Variants in CHRM3 observed in about 807,000 individuals in gnomAD.
The protein encoded by CHRM3 is muscarinic acetylcholine receptor M3.
CHRM3 carries 11 observed loss-of-function variants against 41.8 expected under a neutral mutation model. The ratio of observed to expected loss-of-function variants is 0.26; its 90% CI spans 0.17 to 0.44. The LOEUF is 0.44. Ranked by LOEUF, CHRM3 falls within the 20% of genes least tolerant of loss-of-function variation. The pLI is 1.00. For missense variants in CHRM3, 571 were observed against 745.4 expected (o/e 0.77, Z 2.72); for synonymous variants, 297 against 301.4 (o/e 0.99, Z 0.15).
chr1:239,523,907 T>A (rs1048492230), intron 2 of CHRM3, among the ~76,000 whole-genome samples: 24 of 152,134 alleles, frequency 1.6e-4, no homozygotes, highest in Admixed American at 1.0e-3. Flanking sequence ...AATTAAATAA[T>A]AAATTAATGA....
At chr1:239,665,955 GT>G (rs1673755575) in intron 4 of CHRM3, among the ~76,000 whole-genome samples, 2 of 152,064 alleles carry the variant, frequency 1.3e-5, no homozygotes, top group South Asian at 4.1e-4. Context: ...CTTTGCTATT[GT>G]AAATAGTGCT....
intron 2 of CHRM3, among the ~76,000 whole-genome samples, chr1:239,501,183 G>A (rs1030334557): frequency 6.6e-6 from 1 of 152,124 alleles, no homozygotes; most frequent in Admixed American, 6.6e-5. Context: ...AATAGTGGGG[G>A]ACTTCAATAC....
intron 6 of CHRM3, chr1:239,898,445 A>T (rs1039778084): frequency 6.6e-6 from 1 of 152,260 alleles, no homozygotes; most frequent in African/African-American, 2.4e-5. Context: ...GAAGGCAGTC[A>T]GAGACCCAAA....
chr1:239,579,766 T>C (rs1662696170), intron 3 of CHRM3, among the ~76,000 whole-genome samples: 1 of 152,228 alleles, frequency 6.6e-6, no homozygotes, highest in East Asian at 1.9e-4. Context: ...ACTCACTGTA[T>C]GGCAGGCATT....
chr1:239,725,999 C>T (rs1263531404), intron 5 of CHRM3, among the ~76,000 whole-genome samples: 1 of 151,884 alleles, frequency 6.6e-6, no homozygotes, highest in Non-Finnish European at 1.5e-5. Context: ...AAATCACAAC[C>T]CTCAGGTGAA....
intron 1 of CHRM3, among the ~76,000 whole-genome samples, chr1:239,478,632 T>G (rs907445175): frequency 6.6e-6 from 1 of 152,048 alleles, no homozygotes; most frequent in African/African-American, 2.4e-5. Flanking sequence ...ATATGGAAAA[T>G]TCAGTCCATA....
At chr1:239,754,961 A>T (rs1252838790) in intron 5 of CHRM3, among the ~76,000 whole-genome samples, 1 of 152,146 alleles carries the variant, frequency 6.6e-6, no homozygotes, top group Admixed American at 6.5e-5. Context: ...AAAAATACTG[A>T]CCCAAGGCTA....
At chr1:239,694,577 A>T (rs1485661710) in intron 5 of CHRM3, among the ~76,000 whole-genome samples, 1 of 152,234 alleles carries the variant, frequency 6.6e-6, no homozygotes, top group Non-Finnish European at 1.5e-5. Context: ...GGTGTATAAC[A>T]GTAGAGATGA....
At chr1:239,825,833 G>C (rs574506456) in intron 5 of CHRM3, among the ~76,000 whole-genome samples, 1 of 152,204 alleles carries the variant, frequency 6.6e-6, no homozygotes, top group Admixed American at 6.5e-5. Context: ...TCTTGCTTCA[G>C]CCTCCCAAAG....
intron 3 of CHRM3, among the ~76,000 whole-genome samples, chr1:239,616,907 G>C (rs2148786001): frequency 7.2e-6 from 1 of 139,308 alleles, no homozygotes; most frequent in Non-Finnish European, 1.5e-5. Flanking sequence ...TCCTTTCTTA[G>C]AAAGATACAT....
At chr1:239,507,010 T>A (rs564887709) in intron 2 of CHRM3, among the ~76,000 whole-genome samples, 40 of 152,290 alleles carry the variant, frequency 2.6e-4, no homozygotes, top group Admixed American at 1.4e-3. Context: ...AATGCCTGTG[T>A]CCCCATTGTT....
At chr1:239,713,962 C>T (rs190334553) in intron 5 of CHRM3, among the ~76,000 whole-genome samples, 11 of 152,222 alleles carry the variant, frequency 7.2e-5, no homozygotes, top group South Asian at 2.1e-4. Context: ...GATGTTAATA[C>T]GGCAGATTTC....
intron 6 of CHRM3, among the ~76,000 whole-genome samples, chr1:239,858,415 T>C (rs1403056660): frequency 1.3e-5 from 2 of 151,902 alleles, no homozygotes; most frequent in Non-Finnish European, 1.5e-5. Flanking sequence ...GGAGTCTGAC[T>C]ACCTGAAATC....
intron 1 of CHRM3, among the ~76,000 whole-genome samples, chr1:239,434,941 T>G (rs970925642): frequency 2.0e-5 from 3 of 152,200 alleles, no homozygotes; most frequent in Non-Finnish European, 2.9e-5. Flanking sequence ...CGAGATCGCT[T>G]CCCGAGGTTT....
intron 3 of CHRM3, among the ~76,000 whole-genome samples, chr1:239,557,588 A>G (rs1660483401): frequency 6.6e-6 from 1 of 152,138 alleles, no homozygotes; most frequent in South Asian, 2.1e-4. Context: ...TCACCTAGGT[A>G]TTAATCCTGG....
intron 1 of CHRM3, among the ~76,000 whole-genome samples, chr1:239,417,337 T>C (rs753002478): frequency 6.6e-6 from 1 of 152,216 alleles, no homozygotes; most frequent in Non-Finnish European, 1.5e-5. Context: ...GGGTAAATTC[T>C]GAGCTTGTTC....
intron 2 of CHRM3, among the ~76,000 whole-genome samples, chr1:239,544,885 G>T (rs1204858174): frequency 3.3e-5 from 5 of 152,202 alleles, no homozygotes; most frequent in African/African-American, 1.2e-4. Flanking sequence ...TGGAAGAAGT[G>T]TCTGTTTTGC....
At chr1:239,484,903 A>G (rs998886423) in intron 1 of CHRM3, among the ~76,000 whole-genome samples, 16 of 152,154 alleles carry the variant, frequency 1.1e-4, no homozygotes, top group Admixed American at 9.2e-4. Flanking sequence ...CCTCTATAAC[A>G]TAAAACCTTC....
intron 3 of CHRM3, among the ~76,000 whole-genome samples, chr1:239,619,171 T>A (rs774848284): frequency 1.6e-4 from 24 of 152,066 alleles, no homozygotes; most frequent in Non-Finnish European, 3.2e-4. Context: ...GGCCTCAGCC[T>A]CCCAAAGTGC....
Sources: allele counts gnomAD v4.1 joint callset (sites outside exome capture counted in the v4.1 genomes callset), GRCh38; gene constraint gnomAD v4.1.1; transcripts MANE v1.5; gene names NCBI Gene and HGNC (gene_info 2026-07-23, HGNC 2026-07-21).